Variants in OLA1 observed in about 807,000 individuals in gnomAD.
The protein encoded by OLA1 is obg-like ATPase 1.
Under a neutral mutation model 48.4 loss-of-function variants are expected in OLA1, and 14 were observed. The observed-to-expected ratio is 0.29, with a 90% confidence interval of 0.19 to 0.45. OLA1 has a LOEUF of 0.45. OLA1 is among the 20% of genes least tolerant of loss of function. The probability of loss-of-function intolerance (pLI) is 1.00; values close to 1 mark genes in which losing one functional copy is unlikely to be tolerated. For synonymous variants in OLA1, 127 were observed against 150.4 expected, an observed-to-expected ratio of 0.84 and a Z score of 1.14; for missense variants, 325 against 467.1, an observed-to-expected ratio of 0.70 and a Z score of 2.80.
chr2:174,229,173 C>G (rs6752755), intron 3 of OLA1, 135 bp downstream of exon 3: 178,079 of 879,390 alleles, frequency 0.2, 20,260 homozygotes, highest in Non-Finnish European at 0.24. Flanking sequence ...CGCACCCAGC[C>G]CTCTGCATGA....
intron 4 of OLA1, among the ~76,000 whole-genome samples, chr2:174,170,033 A>G (rs943355471): frequency 1.3e-5 from 2 of 152,248 alleles, no homozygotes; most frequent in African/African-American, 4.8e-5. Context: ...GATACAATAT[A>G]AACTGTAAAC....
intron 4 of OLA1, among the ~76,000 whole-genome samples, chr2:174,153,979 G>A (rs1428048732): frequency 6.6e-6 from 1 of 152,092 alleles, no homozygotes; most frequent in African/African-American, 2.4e-5. Context: ...CCATCCTACT[G>A]CCTCAGCCTC....
intron 4 of OLA1, among the ~76,000 whole-genome samples, chr2:174,152,977 TC>T (rs1686781702): frequency 6.6e-6 from 1 of 152,152 alleles, no homozygotes; most frequent in Admixed American, 6.5e-5. Flanking sequence ...TCTTCCTTCC[TC>T]CTCTCTCATT....
At chr2:174,248,241 C>T (rs1004359950) in intron 1 of OLA1, 8 of 156,872 alleles carry the variant, frequency 5.1e-5, no homozygotes, top group Non-Finnish European at 8.5e-5. Flanking sequence ...AGAAGGCTTT[C>T]CCCAGGGCTT....
intron 4 of OLA1, among the ~76,000 whole-genome samples, chr2:174,177,493 C>A (rs1225444427): frequency 6.6e-6 from 1 of 152,102 alleles, no homozygotes; most frequent in African/African-American, 2.4e-5. Context: ...TGAAAACATA[C>A]CATGTGCCAT....
intron 10 of OLA1, among the ~76,000 whole-genome samples, chr2:174,077,438 A>C (rs183360971): frequency 2.5e-4 from 38 of 152,290 alleles, no homozygotes; most frequent in Non-Finnish European, 5.9e-5. Context: ...TTTGTTGAAT[A>C]AAGGAGCAGA....
At chr2:174,162,991 C>A (rs1347439740) in intron 4 of OLA1, among the ~76,000 whole-genome samples, 1 of 152,080 alleles carries the variant, frequency 6.6e-6, no homozygotes, top group African/African-American at 2.4e-5. Context: ...GTCCAGTGAG[C>A]CTTGATAGTG....
chr2:174,190,563 A>T (rs963180910), intron 4 of OLA1, among the ~76,000 whole-genome samples: 1 of 151,798 alleles, frequency 6.6e-6, no homozygotes, highest in Non-Finnish European at 1.5e-5. Flanking sequence ...AATTTCATAG[A>T]ATGAAATTCT....
At chr2:174,159,289 A>G (rs1268698227) in intron 4 of OLA1, among the ~76,000 whole-genome samples, 1 of 152,204 alleles carries the variant, frequency 6.6e-6, no homozygotes, top group Admixed American at 6.5e-5. Context: ...GAAGCTGTGT[A>G]GCTGTATTGT....
At chr2:174,076,386 G>T (rs1052998498) in intron 10 of OLA1, among the ~76,000 whole-genome samples, 3 of 152,016 alleles carry the variant, frequency 2.0e-5, no homozygotes, top group Non-Finnish European at 4.4e-5. Flanking sequence ...CCCCACCATC[G>T]ACTCCTCAAC....
At chr2:174,186,509 A>T (rs371290633) in intron 4 of OLA1, among the ~76,000 whole-genome samples, 3 of 152,220 alleles carry the variant, frequency 2.0e-5, no homozygotes, top group African/African-American at 7.2e-5. Context: ...AGACCCTCTT[A>T]GTCCTCTTGA....
intron 7 of OLA1, among the ~76,000 whole-genome samples, chr2:174,113,140 T>C (rs542965445): frequency 7.4e-4 from 112 of 152,284 alleles, no homozygotes; most frequent in Non-Finnish European, 1.2e-3. Flanking sequence ...AGATGGGGTT[T>C]CACCATGTCG....
At chr2:174,195,022 C>T (rs1687853559) in intron 4 of OLA1, among the ~76,000 whole-genome samples, 1 of 152,026 alleles carries the variant, frequency 6.6e-6, no homozygotes, top group South Asian at 2.1e-4. Context: ...ACGATATGGT[C>T]TGCAGTTTCA....
At chr2:174,083,257 T>C (rs1684896198) in intron 7 of OLA1, among the ~76,000 whole-genome samples, 1 of 152,102 alleles carries the variant, frequency 6.6e-6, no homozygotes, top group Non-Finnish European at 1.5e-5. Flanking sequence ...TTAATGTAAA[T>C]GCCACTTTAG....
At chr2:174,115,211 C>T (rs1685753288) in intron 7 of OLA1, among the ~76,000 whole-genome samples, 1 of 152,140 alleles carries the variant, frequency 6.6e-6, no homozygotes. Context: ...GCTGAAACAC[C>T]GTAAGGCTCT....
chr2:174,235,887 C>G (rs1289998478), intron 2 of OLA1, among the ~76,000 whole-genome samples: 1 of 152,142 alleles, frequency 6.6e-6, no homozygotes, highest in Non-Finnish European at 1.5e-5. Context: ...GAGATTGGAA[C>G]AGTTCACATT....
At chr2:174,191,359 T>A (rs1437204218) in intron 4 of OLA1, among the ~76,000 whole-genome samples, 1 of 152,192 alleles carries the variant, frequency 6.6e-6, no homozygotes, top group Non-Finnish European at 1.5e-5. Flanking sequence ...CAGAAAAGTC[T>A]TCCTAAAGTC....
chr2:174,199,796 G>C (rs1687952334), intron 4 of OLA1, among the ~76,000 whole-genome samples: 1 of 152,122 alleles, frequency 6.6e-6, no homozygotes, highest in Non-Finnish European at 1.5e-5. Flanking sequence ...ACTATTATTT[G>C]TCAAGTTTTG....
intron 4 of OLA1, among the ~76,000 whole-genome samples, chr2:174,213,093 C>T (rs969008687): frequency 2.0e-5 from 3 of 152,136 alleles, no homozygotes; most frequent in South Asian, 2.1e-4. Flanking sequence ...CCACCATCAC[C>T]GTCAAACACA....
Sources: allele counts gnomAD v4.1 joint callset (sites outside exome capture counted in the v4.1 genomes callset), GRCh38; gene constraint gnomAD v4.1.1; transcripts MANE v1.5; gene names NCBI Gene and HGNC (gene_info 2026-07-23, HGNC 2026-07-21).